ST3GAL3: variants seen among roughly 807,000 people sequenced by gnomAD.
ST3GAL3 encodes the protein CMP-N-acetylneuraminate-beta-1,4-galactoside alpha-2,3-sialyltransferase.
In ST3GAL3, 21 loss-of-function variants were observed where a neutral mutation model predicts 50.1. The ratio of observed to expected loss-of-function variants is 0.42; its 90% CI spans 0.30 to 0.60. ST3GAL3 has a LOEUF of 0.60. Among genes scored for constraint, ST3GAL3 ranks in the 20% least tolerant of loss-of-function variants. ST3GAL3 has a pLI of 0.19. For missense variants in ST3GAL3, 353 were observed against 489.4 expected (o/e 0.72, Z 2.63); for synonymous variants, 183 against 190.0 (o/e 0.96, Z 0.30).
intron 4 of ST3GAL3, among the ~76,000 whole-genome samples, chr1:43,818,841 C>A (rs2061729109): frequency 6.6e-6 from 1 of 150,690 alleles, no homozygotes; most frequent in African/African-American, 2.4e-5. Context: ...GGGTTAGCAG[C>A]AGATTAGATA....
At chr1:43,877,257 G>A (rs2074286813) in intron 5 of ST3GAL3, among the ~76,000 whole-genome samples, 2 of 152,164 alleles carry the variant, frequency 1.3e-5, no homozygotes, top group Non-Finnish European at 2.9e-5. Flanking sequence ...GACCTGCATG[G>A]GAAATTCCAG....
At chr1:43,707,878 T>A (rs1043784459) in intron 1 of ST3GAL3, 185 bp downstream of exon 1, 1 of 152,282 alleles carries the variant, frequency 6.6e-6, no homozygotes, top group African/African-American at 2.4e-5. Context: ...GGGGGCCCAG[T>A]ACCTGGATGA....
intron 3 of ST3GAL3, among the ~76,000 whole-genome samples, chr1:43,807,252 A>G (rs2059998807): frequency 1.3e-5 from 2 of 151,838 alleles, no homozygotes; most frequent in Admixed American, 6.6e-5. Flanking sequence ...CCCCATCTCT[A>G]TTAAAATACA....
At chr1:43,769,377 A>C (rs1365146691) in intron 2 of ST3GAL3, among the ~76,000 whole-genome samples, 7 of 152,134 alleles carry the variant, frequency 4.6e-5, no homozygotes, top group African/African-American at 1.7e-4. Context: ...TTTTTTTCTA[A>C]TATTGAGCTG....
At chr1:43,730,908 A>T (rs1280517584) in intron 1 of ST3GAL3, among the ~76,000 whole-genome samples, 1 of 152,174 alleles carries the variant, frequency 6.6e-6, no homozygotes, top group Non-Finnish European at 1.5e-5. Flanking sequence ...AAATATAAAC[A>T]TTAAAAATAA....
intron 4 of ST3GAL3, chr1:43,824,797 T>TA (rs1217260878): frequency 1.3e-6 from 2 of 1,496,230 alleles, no homozygotes; most frequent in Non-Finnish European, 1.9e-6. Flanking sequence ...CTGGAGAGCC[T>TA]AAAAAATTAC....
At chr1:43,911,508 C>T (rs981710868) in intron 9 of ST3GAL3, among the ~76,000 whole-genome samples, 1 of 130,486 alleles carries the variant, frequency 7.7e-6, no homozygotes, top group African/African-American at 3.0e-5. Context: ...GATATAGATA[C>T]ATCTATAGAT....
intron 3 of ST3GAL3, among the ~76,000 whole-genome samples, chr1:43,800,688 A>T (rs2154161362): frequency 6.6e-6 from 1 of 152,302 alleles, no homozygotes; most frequent in East Asian, 1.9e-4. Flanking sequence ...TCATCTGTAA[A>T]ATATAGTACC....
chr1:43,875,965 A>C (rs559287179), intron 5 of ST3GAL3, among the ~76,000 whole-genome samples: 1,906 of 137,142 alleles, frequency 0.014, 24 homozygotes, highest in Non-Finnish European at 0.021. Context: ...TATTATTATT[A>C]TTATTATTAT....
intron 9 of ST3GAL3, among the ~76,000 whole-genome samples, chr1:43,909,431 C>T (rs2080404288): frequency 6.6e-6 from 1 of 152,232 alleles, no homozygotes; most frequent in Non-Finnish European, 1.5e-5. Context: ...GTCCCTGGCG[C>T]TCTGCCTTTC....
At chr1:43,726,213 C>A (rs982689334) in intron 1 of ST3GAL3, among the ~76,000 whole-genome samples, 1 of 152,150 alleles carries the variant, frequency 6.6e-6, no homozygotes, top group Non-Finnish European at 1.5e-5. Context: ...GATTTCTCAA[C>A]TTCAAAGTTA....
At chr1:43,817,119 C>T (rs140529736) in intron 4 of ST3GAL3, among the ~76,000 whole-genome samples, 1 of 152,324 alleles carries the variant, frequency 6.6e-6, no homozygotes, top group African/African-American at 2.4e-5. Context: ...ATTCTGTCTG[C>T]TGCATAGTAT....
At chr1:43,912,084 G>A (rs547375064) in intron 9 of ST3GAL3, 1 of 152,200 alleles carries the variant, frequency 6.6e-6, no homozygotes, top group African/African-American at 2.4e-5. Flanking sequence ...AATGTTAGGG[G>A]TTGAACCTAC....
intron 6 of ST3GAL3, chr1:43,896,904 C>T (rs2077465108): frequency 6.6e-6 from 1 of 152,072 alleles, no homozygotes; most frequent in African/African-American, 2.4e-5. Flanking sequence ...ACCGCTCTTA[C>T]ATGTCTTTAG....
At chr1:43,862,858 A>G (rs189206591) in intron 5 of ST3GAL3, among the ~76,000 whole-genome samples, 290 of 152,154 alleles carry the variant, frequency 1.9e-3, no homozygotes, top group Middle Eastern at 3.4e-3. Context: ...TGAGGCTACA[A>G]TGAGCTGTGA....
intron 2 of ST3GAL3, among the ~76,000 whole-genome samples, chr1:43,775,911 C>T (rs1260867152): frequency 1.3e-5 from 2 of 152,100 alleles, no homozygotes; most frequent in African/African-American, 4.8e-5. Context: ...TTGCAAGAGG[C>T]AGGTGAAGGA....
chr1:43,905,872 C>T (rs1462040671), intron 9 of ST3GAL3, among the ~76,000 whole-genome samples: 1 of 139,622 alleles, frequency 7.2e-6, no homozygotes, highest in Non-Finnish European at 1.6e-5. Flanking sequence ...CCCCATCCTC[C>T]TGTTTCCTTT....
At chr1:43,757,626 A>G (rs1365128961) in intron 2 of ST3GAL3, among the ~76,000 whole-genome samples, 3 of 152,234 alleles carry the variant, frequency 2.0e-5, no homozygotes, top group African/African-American at 7.2e-5. Context: ...ATTTCTCACC[A>G]TGTACAAAAT....
intron 1 of ST3GAL3, among the ~76,000 whole-genome samples, chr1:43,710,189 C>A (rs1663938992): frequency 6.6e-6 from 1 of 152,148 alleles, no homozygotes; most frequent in Non-Finnish European, 1.5e-5. Flanking sequence ...TAAAGTAATT[C>A]TCCCGTCTCA....
Sources: gnomAD v4.1 joint callset for allele counts (sites outside exome capture counted in the v4.1 genomes callset) on GRCh38, gnomAD v4.1.1 for gene constraint, MANE v1.5 for transcripts, NCBI Gene and HGNC (gene_info 2026-07-23, HGNC 2026-07-21) for gene names.